Variants in AMPD2 observed in about 807,000 individuals in gnomAD.
AMPD2 encodes the protein AMP deaminase 2.
A neutral mutation model predicts 91.3 loss-of-function variants in AMPD2; 52 were observed. That is an observed-to-expected ratio of 0.57 (90% CI 0.46 to 0.72). The LOEUF is 0.72. Among genes scored for constraint, AMPD2 ranks in the 30% least tolerant of loss-of-function variants. AMPD2 has a pLI of 0.00. For missense variants in AMPD2, 822 were observed against 1,122.3 expected, an observed-to-expected ratio of 0.73 and a Z score of 3.82; for synonymous variants, 455 against 456.4, an observed-to-expected ratio of 1.00 and a Z score of 0.04.
At position 109,626,914 on chromosome 1, in the gene AMPD2, T is replaced by C; in HGVS notation, c.718+2T>C. The C allele has an allele frequency of 6.2e-7, 1 of 1,611,338 alleles. No individual in the cohort carries two copies. Among genetic ancestry groups the C allele is most frequent in the Non-Finnish European group, 8.5e-7 (1 of 1,178,476 alleles). ...GCCCCGACACCCCTGTGTCTGCTGG[T>C]GGGACTCCCCATCTCTGCCCCATGC... On this transcript the variant is annotated splice_donor_variant, in intron 7 of 18. Transcript: ENST00000528667. LOFTEE classifies it high-confidence loss of function.
Position 109,627,864 on chromosome 1 carries a change from G to A in AMPD2, c.1041G>A (p.Gln347=), listed in dbSNP as rs778429667. 2.5e-6 allele frequency: 4 copies of A among 1,613,878 alleles called. No homozygotes were observed. The highest frequency in any genetic ancestry group is 2.2e-5 in the East Asian group (1 of 44,894). The part of the protein sequence containing the change: ...LLNEMKELAA[Q]KKVPHRDFYN... ...ATGAGATGAAGGAGCTGGCCGCCCA[G>A]AAGAAAGTGCCACACCGAGATTTCT... The change falls in exon 10 of 19, where the codon CAG becomes CAA. Residue 347 remains glutamine (Q), a synonymous_variant. Coordinates refer to ENST00000528667, the MANE Select transcript of AMPD2 (RefSeq NM_001368809.2).
rs1304752921 is a variant in AMPD2, at chr1:109,631,498, G to A, written c.*346G>A. On this transcript the variant is annotated 3_prime_UTR_variant, in exon 19 of 19. Coordinates refer to ENST00000528667, the MANE Select transcript of AMPD2 (RefSeq NM_001368809.2). ...GGGGCTGGCCCCTCTAGCCTTTCCGGTCCTTCCTGGGCAAATCTAAGCCTT... is the reference window on the plus strand; with the variant it reads ...GGGGCTGGCCCCTCTAGCCTTTCCGATCCTTCCTGGGCAAATCTAAGCCTT... 4 of 389,072 alleles carry A rather than the reference G, an allele frequency of 1.0e-5. No homozygotes were observed. Among genetic ancestry groups the A allele is most frequent in the Non-Finnish European group, 1.4e-5 (3 of 208,816 alleles). 24.1% of individuals were successfully genotyped at this position (389,072 alleles called of 1,614,324 possible). A position where few individuals can be genotyped will look rare whatever the true frequency, so the allele number is the denominator to read the frequency against.
rs781364850 is a variant in AMPD2, at chr1:109,626,899, C to T, written c.705C>T (p.Thr235=). Residue 235 remains threonine (T), a synonymous_variant, in exon 7 of 19, where the codon ACC becomes ACT. Coordinates refer to ENST00000528667, the MANE Select transcript of AMPD2 (RefSeq NM_001368809.2). ...ETRTYEQGPD[T]PVSADAPVHP... Reference sequence around the variant, plus strand: ...GGACCTATGAACAGGGCCCCGACACCCCTGTGTCTGCTGGTGGGACTCCCC... The same window carrying T: ...GGACCTATGAACAGGGCCCCGACACTCCTGTGTCTGCTGGTGGGACTCCCC... 2.4e-5 allele frequency: 38 copies of T among 1,612,710 alleles called. No homozygotes were observed. The South Asian group carries it at 2.7e-4, about 12-fold the overall frequency.
chr1:109,620,964 GGATAAGGGGCA>G lies in AMPD2; in HGVS notation c.-209_-199del. On this transcript the variant is annotated 5_prime_UTR_variant, in exon 2 of 19. The change abolishes the stop of an existing upstream ORF in the 5' untranslated region. Transcript: ENST00000528667. ...TCCTGGGACTGAGGAGGCAGGGGAG[GGATAAGGGGCA>G]GAGATGGAGGCCCCACTCCCCGAGG... 1 of 1,532,984 alleles carries G rather than the reference GGATAAGGGGCA, an allele frequency of 6.5e-7. No individual in the cohort carries two copies. The highest frequency in any genetic ancestry group is 1.3e-5 in the South Asian group (1 of 78,698). 95.0% of individuals were successfully genotyped at this position (1,532,984 alleles called of 1,614,324 possible). A position where few individuals can be genotyped will look rare whatever the true frequency, so the allele number is the denominator to read the frequency against.
At chr1:109,620,427 G>A in intron 1 of AMPD2, 149 bp downstream of exon 1, 1 of 1,357,268 alleles carries the variant, frequency 7.4e-7, no homozygotes, top group South Asian at 1.3e-5. Flanking sequence ...AGCAGAGCCA[G>A]AGTGTGCAGA....
At position 109,631,581 on chromosome 1, in the gene AMPD2, G is replaced by GCC; in HGVS notation, c.*429_*430insCC. The GCC allele has an allele frequency of 3.6e-6, 1 of 276,800 alleles. No homozygotes were observed. 17.1% of individuals were successfully genotyped at this position (276,800 alleles called of 1,614,324 possible). On this transcript the variant is annotated 3_prime_UTR_variant, in exon 19 of 19. Transcript: ENST00000528667. ...TCATGTAGCCGAGGGGCAGGCGGGG[G>GCC]ACCTCTACACCTCTGCTGTGGGCAC...
chr1:109,627,551 C>G (rs369710007), intron 9 of AMPD2, 33 bp downstream of exon 9: 2 of 1,610,122 alleles, frequency 1.2e-6, no homozygotes, highest in East Asian at 2.2e-5. Flanking sequence ...CACTTAGCTC[C>G]CCTCCCAGCC....
intron 7 of AMPD2, 97 bp from the exon 8 acceptor site, chr1:109,627,078 G>T: frequency 1.3e-6 from 2 of 1,580,700 alleles, no homozygotes; most frequent in Non-Finnish European, 1.7e-6. Context: ...TGACCTACTG[G>T]GTCTTCAACA....
rs779713578 is a variant in AMPD2, at chr1:109,630,410, A to G, written c.2157+4A>G. 4.3e-6 allele frequency: 6 copies of G among 1,390,960 alleles called. No homozygotes were observed. 86.2% of individuals were successfully genotyped at this position (1,390,960 alleles called of 1,614,324 possible). ...CTTGCAGTTCCACTTCACCAAGGTC[A>G]GAGCCCAGCAGGCAGCCAGGCGGGC... On this transcript the variant is annotated splice_donor_region_variant and intron_variant, in intron 17 of 18. Coordinates refer to ENST00000528667, the MANE Select transcript of AMPD2 (RefSeq NM_001368809.2).
Position 109,625,581 on chromosome 1 carries a change from C to A in AMPD2, c.223-81C>A. 1 of 1,599,832 alleles carries A rather than the reference C, an allele frequency of 6.3e-7. No individual in the cohort carries two copies. Among genetic ancestry groups the A allele is most frequent in the Non-Finnish European group, 8.5e-7 (1 of 1,169,726 alleles). On this transcript the variant is annotated intron_variant, in intron 3 of 18. Coordinates refer to ENST00000528667, the MANE Select transcript of AMPD2 (RefSeq NM_001368809.2). The surrounding 1 kb of genome is among the most constrained non-coding windows in gnomAD (Gnocchi z 4.0). ...TCCCAGGTACCCCTGGTCCTGCTGC[C>A]CTCACCCCATCCCCAGACTCTGTAG...
chr1:109,629,934 T>A lies in AMPD2; in HGVS notation c.1983+18T>A. 3 of 1,581,352 alleles carry A rather than the reference T, an allele frequency of 1.9e-6. No individual in the cohort carries two copies. The highest frequency in any genetic ancestry group is 2.6e-6 in the Non-Finnish European group (3 of 1,160,128). On this transcript the variant is annotated intron_variant, in intron 16 of 18. Transcript: ENST00000528667. ...TGCGCAAGGTCAGGATCTGCACCCC[T>A]AGCCTTCCCTCCCAATTGTTCACCT...
chr1:109,623,791 C>G (rs942343978), intron 2 of AMPD2: 1 of 155,180 alleles, frequency 6.4e-6, no homozygotes, highest in Non-Finnish European at 1.4e-5. Flanking sequence ...TCAGCCTACC[C>G]TGCTACTCCC....
intron 2 of AMPD2, chr1:109,623,678 C>G (rs1267736273): frequency 6.6e-6 from 1 of 152,584 alleles, no homozygotes; most frequent in Non-Finnish European, 1.5e-5. Flanking sequence ...CCTTTTTCTC[C>G]CCTCTTACTC....
At chr1:109,626,034 T>C in intron 4 of AMPD2, 126 bp from the exon 5 acceptor site, 1 of 1,197,854 alleles carries the variant, frequency 8.3e-7, no homozygotes, top group Non-Finnish European at 1.2e-6. Context: ...CAGCACAGGG[T>C]TCTGCAGCTC....
chr1:109,630,025 C>T, intron 16 of AMPD2, 109 bp downstream of exon 16: 2 of 1,499,300 alleles, frequency 1.3e-6, no homozygotes, highest in Non-Finnish European at 1.8e-6. Flanking sequence ...AGATTGGATT[C>T]TGCCTTCCCA....
chr1:109,630,043 T>C, intron 16 of AMPD2, 127 bp downstream of exon 16: 1 of 1,446,018 alleles, frequency 6.9e-7, no homozygotes, highest in Non-Finnish European at 9.4e-7. Flanking sequence ...CCAATGTAAC[T>C]ACCCTTCCCC....
intron 2 of AMPD2, 130 bp downstream of exon 2, chr1:109,621,396 C>A: frequency 4.2e-6 from 4 of 945,398 alleles, no homozygotes; most frequent in Non-Finnish European, 6.5e-6. Flanking sequence ...CCCTCAACCT[C>A]AGTCCCAGGG....
chr1:109,629,751 G>A, intron 15 of AMPD2, 45 bp from the exon 16 acceptor site: 1 of 1,550,818 alleles, frequency 6.4e-7, no homozygotes, highest in Non-Finnish European at 8.7e-7. Flanking sequence ...GGTGAGCCCA[G>A]GTGATCCCAG....
rs776302179 is a variant in AMPD2 at position 109,628,740 on chromosome 1, G to T, written c.1505G>T (p.Arg502Leu). Residue 502 changes from arginine (R) to leucine (L), a missense_variant, in exon 13 of 19, where the codon CGC becomes CTC. Coordinates refer to ENST00000528667, the MANE Select transcript of AMPD2 (RefSeq NM_001368809.2). This position sits in a 1 kb window ranked among gnomAD's most constrained non-coding sequence, Gnocchi z 7.1. ...AGGGATGAGTGGGACAAGCTGGCGC[G>T]CTGGGCCGTCATGCACCGCGTGCAC... ...RSRDEWDKLA[R>L]WAVMHRVHSP... 8 of 1,604,572 alleles carry T rather than the reference G, an allele frequency of 5.0e-6. No homozygotes were observed. Among genetic ancestry groups the T allele is most frequent in the Admixed American group, 1.7e-5 (1 of 58,686 alleles).
Sources: gnomAD v4.1 joint callset for allele counts on GRCh38, gnomAD v4.1.1 for gene constraint, Gnocchi (gnomAD v3.1) non-coding constraint, MANE v1.5 for transcripts, NCBI Gene and HGNC (gene_info 2026-07-23, HGNC 2026-07-21) for gene names.